The following SESN1 variants were observed in gnomAD, a reference collection of about 807,000 sequenced individuals.
SESN1 encodes sestrin-1.
SESN1 carries 30 observed loss-of-function variants against 59.3 expected under a neutral mutation model. The observed-to-expected ratio is 0.51, with a 90% CI of 0.38 to 0.69. The LOEUF is 0.69. Ranked by LOEUF, SESN1 falls within the 30% of genes least tolerant of loss-of-function variation. The pLI, the probability that SESN1 is intolerant of heterozygous loss-of-function variation, is 0.00. For missense variants in SESN1, 566 were observed against 673.0 expected (o/e 0.84, Z 1.76); for synonymous variants, 197 against 219.9 (o/e 0.90, Z 0.92).
intron 1 of SESN1, among the ~76,000 whole-genome samples, chr6:109,092,071 G>T (rs187233641): frequency 6.6e-6 from 1 of 152,326 alleles, no homozygotes; most frequent in African/African-American, 2.4e-5. Context: ...TGGAAAAAAA[G>T]AGTATAAGTC....
At chr6:109,032,345 G>A (rs900062758) in intron 1 of SESN1, among the ~76,000 whole-genome samples, 5 of 151,650 alleles carry the variant, frequency 3.3e-5, no homozygotes, top group African/African-American at 9.7e-5. Flanking sequence ...AAGGCTGGGC[G>A]CAGTGGCTCA....
At chr6:109,051,472 C>CTG (rs1780540845) in intron 1 of SESN1, among the ~76,000 whole-genome samples, 1 of 152,096 alleles carries the variant, frequency 6.6e-6, no homozygotes, top group Non-Finnish European at 1.5e-5. Context: ...AAATGTAACC[C>CTG]TTTAAGGAAT....
chr6:109,049,357 G>C (rs1009200526), intron 1 of SESN1, among the ~76,000 whole-genome samples: 1 of 151,982 alleles, frequency 6.6e-6, no homozygotes, highest in African/African-American at 2.4e-5. Flanking sequence ...AAAGGTAGAA[G>C]AGAGGTTACT....
In SESN1 at chr6:109,011,904, C is replaced by T. The variant is rs147807485; in HGVS notation, c.280-9561G>A. ...TTTGCCTCCCAAAGTGCTGGGATTA[C>T]AGGTGTGAGCCACCACACCCAGCCC... On this transcript the variant is annotated intron_variant, in intron 1 of 9. Transcript: ENST00000436639. Among the ~76,000 whole-genome samples, 1,199 of 152,330 alleles carry T rather than the reference C, an allele frequency of 7.9e-3. 20 individuals are homozygous for T. Among genetic ancestry groups the T allele is most frequent in the African/African-American group, 0.028 (1,155 of 41,576 alleles).
intron 1 of SESN1, among the ~76,000 whole-genome samples, chr6:109,024,290 C>G (rs1228727410): frequency 6.6e-6 from 1 of 151,990 alleles, no homozygotes; most frequent in South Asian, 2.1e-4. Context: ...CTTATTAGGG[C>G]ATAGGGACTA....
chr6:108,991,021 TTG>T (rs1779367986), intron 7 of SESN1, among the ~76,000 whole-genome samples, 186 bp from the exon 8 acceptor site: 1 of 151,816 alleles, frequency 6.6e-6, no homozygotes, highest in African/African-American at 2.4e-5. Context: ...ATGCAAAAGG[TTG>T]TGTTTTATAA....
Position 109,094,174 on chromosome 6 carries a change from A to C in SESN1, c.-101T>G. The C allele has an allele frequency of 7.6e-7, 1 of 1,307,712 alleles. No homozygotes were observed. The highest frequency in any genetic ancestry group is 1.4e-5 in the South Asian group (1 of 70,134). 81.0% of individuals were successfully genotyped at this position (1,307,712 alleles called of 1,614,324 possible). On this transcript the variant is annotated 5_prime_UTR_variant, in exon 1 of 10. Coordinates refer to ENST00000436639, the MANE Select transcript of SESN1 (RefSeq NM_014454.3). ...GAAAAATGTAAAAATAAAATCAGAGAAATCAAATCGTCATGAAAACACACA... is the reference window on the plus strand; with the variant it reads ...GAAAAATGTAAAAATAAAATCAGAGCAATCAAATCGTCATGAAAACACACA...
At chr6:109,092,517 A>G (rs1038692282) in intron 1 of SESN1, among the ~76,000 whole-genome samples, 9 of 152,228 alleles carry the variant, frequency 5.9e-5, no homozygotes, top group Non-Finnish European at 1.0e-4. Flanking sequence ...TCAGGAAGAG[A>G]CCAAAGTCAA....
At chr6:109,025,908 G>A (rs1296517329) in intron 1 of SESN1, among the ~76,000 whole-genome samples, 3 of 150,850 alleles carry the variant, frequency 2.0e-5, no homozygotes, top group Non-Finnish European at 2.9e-5. Context: ...TCTAAGACAC[G>A]ATGGTTAAGG....
chr6:109,070,142 T>G (rs1162944262), intron 1 of SESN1, among the ~76,000 whole-genome samples: 1 of 152,058 alleles, frequency 6.6e-6, no homozygotes, highest in Non-Finnish European at 1.5e-5. Flanking sequence ...TTCACGTGAT[T>G]TGAATGTAGG....
intron 1 of SESN1, among the ~76,000 whole-genome samples, chr6:109,053,377 C>T (rs979029977): frequency 2.6e-5 from 4 of 152,106 alleles, no homozygotes; most frequent in Non-Finnish European, 5.9e-5. Context: ...CCACATATCC[C>T]ACTTCCCTGC....
At chr6:109,008,354 T>C (rs1779778274) in intron 1 of SESN1, among the ~76,000 whole-genome samples, 1 of 152,236 alleles carries the variant, frequency 6.6e-6, no homozygotes, top group Non-Finnish European at 1.5e-5. Context: ...TTGGTAAAGT[T>C]TCCAAAGCGA....
intron 1 of SESN1, among the ~76,000 whole-genome samples, chr6:109,058,020 C>T (rs1484153846): frequency 6.6e-6 from 1 of 151,886 alleles, no homozygotes; most frequent in African/African-American, 2.4e-5. Context: ...ACAGGGTCCC[C>T]TAATATTGTA....
chr6:109,036,952 C>T (rs1457289244), intron 1 of SESN1, among the ~76,000 whole-genome samples: 1 of 152,168 alleles, frequency 6.6e-6, no homozygotes, highest in Non-Finnish European at 1.5e-5. Context: ...TGTTTAAAAA[C>T]TTTCTTTGGC....
chr6:109,063,863 C>A (rs967390662), intron 1 of SESN1, among the ~76,000 whole-genome samples: 2 of 150,268 alleles, frequency 1.3e-5, no homozygotes, highest in Non-Finnish European at 3.0e-5. Context: ...TTGTCTGGTA[C>A]CCAAAAATGT....
rs1374263416 is a variant in SESN1, at chr6:108,986,912, T to A, written c.*632A>T. ...AATTTAATATCCAGAACCCTGAATT[T>A]AAAAAACTAATGAAAGAAATTAACT... On this transcript the variant is annotated 3_prime_UTR_variant, in exon 10 of 10. Transcript: ENST00000436639. 1 of 152,484 alleles carries A rather than the reference T, an allele frequency of 6.6e-6. No individual in the cohort carries two copies. 9.4% of individuals were successfully genotyped at this position (152,484 alleles called of 1,614,324 possible).
chr6:109,054,299 T>A (rs1481977218), intron 1 of SESN1, among the ~76,000 whole-genome samples: 1 of 151,798 alleles, frequency 6.6e-6, no homozygotes, highest in Non-Finnish European at 1.5e-5. Flanking sequence ...AAATACGAGG[T>A]AAGAGGAAGG....
intron 1 of SESN1, among the ~76,000 whole-genome samples, chr6:109,049,111 T>A (rs1186173228): frequency 6.6e-6 from 1 of 151,940 alleles, no homozygotes; most frequent in Admixed American, 6.6e-5. Flanking sequence ...TCTTGGCACA[T>A]AAAAGTAGGA....
At chr6:109,009,153 C>T (rs1480000259) in intron 1 of SESN1, among the ~76,000 whole-genome samples, 1 of 152,222 alleles carries the variant, frequency 6.6e-6, no homozygotes, top group Admixed American at 6.5e-5. Context: ...GTCTCCCACC[C>T]ACCGCAGGCA....
Sources: gnomAD v4.1 joint callset for allele counts (sites outside exome capture counted in the v4.1 genomes callset) on GRCh38, gnomAD v4.1.1 for gene constraint, MANE v1.5 for transcripts, NCBI Gene and HGNC (gene_info 2026-07-23, HGNC 2026-07-21) for gene names.